TRIQK: variants seen among roughly 807,000 people sequenced by gnomAD.
TRIQK encodes triple QxxK/R motif containing.
Under a neutral mutation model 10.8 loss-of-function variants are expected in TRIQK, and 10 were observed. The ratio of observed to expected loss-of-function variants is 0.92; its 90% CI spans 0.57 to 1.57. The LOEUF (loss-of-function observed/expected upper bound fraction) is 1.57. Ranked by LOEUF, TRIQK falls within the 40% of genes most tolerant of loss-of-function variation. The pLI, the probability that TRIQK is intolerant of heterozygous loss-of-function variation, is 0.00. For synonymous variants in TRIQK, 33 were observed against 33.7 expected (o/e 0.98, Z 0.07); for missense variants, 107 against 97.7 (o/e 1.09, Z -0.40).
In TRIQK at chr8:92,886,344, ATT is replaced by A; in HGVS notation, c.*276_*277del. On this transcript the variant is annotated 3_prime_UTR_variant, in exon 5 of 5. Transcript: ENST00000521988. ...ATAAATTGGCAATGACATTTGAAAAATTTAGGATCTGGTTCCCATTTCATCTA... is the reference window on the plus strand; with the variant it reads ...ATAAATTGGCAATGACATTTGAAAAATAGGATCTGGTTCCCATTTCATCTA... 1 of 200,808 alleles carries A rather than the reference ATT, an allele frequency of 5.0e-6. No individual in the cohort carries two copies. The highest frequency in any genetic ancestry group is 1.1e-4 in the East Asian group (1 of 8,730). The allele number at this position is 200,808 out of a possible 1,614,324, so 12.4% of individuals were successfully genotyped here.
At chr8:92,932,451 A>G (rs1194717561) in intron 2 of TRIQK, among the ~76,000 whole-genome samples, 1 of 152,108 alleles carries the variant, frequency 6.6e-6, no homozygotes, top group Non-Finnish European at 1.5e-5. Context: ...TGACAGTGTT[A>G]ACTTGGATCA....
intron 1 of TRIQK, among the ~76,000 whole-genome samples, chr8:92,993,901 T>C (rs1813123350): frequency 1.3e-5 from 2 of 152,144 alleles, no homozygotes; most frequent in Admixed American, 6.5e-5. Flanking sequence ...GAGTAAGAGA[T>C]ATTGATGATA....
chr8:92,953,436 T>C (rs1425891032), intron 2 of TRIQK: 2 of 151,974 alleles, frequency 1.3e-5, no homozygotes, highest in African/African-American at 2.4e-5. Flanking sequence ...TATAGTTTAA[T>C]AGATAGTGAT....
chr8:93,009,318 A>G (rs1813305755), intron 1 of TRIQK, among the ~76,000 whole-genome samples: 1 of 152,208 alleles, frequency 6.6e-6, no homozygotes, highest in African/African-American at 2.4e-5. Context: ...GTTATCAAAA[A>G]GACAAAAGAG....
intron 3 of TRIQK, among the ~76,000 whole-genome samples, chr8:92,903,171 T>C (rs979744276): frequency 1.3e-5 from 2 of 152,108 alleles, no homozygotes; most frequent in African/African-American, 2.4e-5. Context: ...TTTTAAAAAC[T>C]TTAGTAACCC....
Position 92,883,588 on chromosome 8 carries a change from A to G in TRIQK, c.*3034T>C, listed in dbSNP as rs1816315476. The G allele has an allele frequency of 6.6e-6, 1 of 151,668 alleles. No individual in the cohort carries two copies. The highest frequency in any genetic ancestry group is 2.4e-5 in the African/African-American group (1 of 41,374). The allele number at this position is 151,668 out of a possible 1,614,324, so 9.4% of individuals were successfully genotyped here. A position where few individuals can be genotyped will look rare whatever the true frequency, so the allele number is the denominator to read the frequency against. ...TTAAATTCAAACTTTTTTATCATTTACACAAAGAAACTGTGACAGACTCTG... is the reference window on the plus strand; with the variant it reads ...TTAAATTCAAACTTTTTTATCATTTGCACAAAGAAACTGTGACAGACTCTG... On this transcript the variant is annotated 3_prime_UTR_variant, in exon 5 of 5. Transcript: ENST00000521988.
chr8:92,941,016 T>C (rs1394061870), intron 2 of TRIQK: 1 of 152,118 alleles, frequency 6.6e-6, no homozygotes, highest in Admixed American at 6.5e-5. Flanking sequence ...AACAACATCC[T>C]TCTGAAAAAT....
chr8:92,913,837 G>T (rs1306794848), intron 3 of TRIQK, among the ~76,000 whole-genome samples: 1 of 152,136 alleles, frequency 6.6e-6, no homozygotes, highest in African/African-American at 2.4e-5. Flanking sequence ...GATGAAGCTG[G>T]AAACCATCTT....
rs189279258 is a variant in TRIQK, at chr8:92,942,852, G to A, written c.-22+11554C>T. 2.4e-3 allele frequency among the ~76,000 whole-genome samples: 365 copies of A among 152,066 alleles called. 2 individuals carry two copies. Among genetic ancestry groups the A allele is most frequent in the African/African-American group, 8.2e-3 (342 of 41,502 alleles). Reference sequence around the variant, plus strand: ...TGGGACTAAAGGTGCCTGCCACCACGCCTGGCTAATTTTTTGTATTTTAGT... The same window carrying A: ...TGGGACTAAAGGTGCCTGCCACCACACCTGGCTAATTTTTTGTATTTTAGT... On this transcript the variant is annotated intron_variant, in intron 2 of 4. Coordinates refer to ENST00000521988, the MANE Select transcript of TRIQK (RefSeq NM_001171797.2).
intron 3 of TRIQK, among the ~76,000 whole-genome samples, chr8:92,905,836 C>G (rs962934924): frequency 6.6e-6 from 1 of 152,088 alleles, no homozygotes; most frequent in African/African-American, 2.4e-5. Context: ...TGCCATACCC[C>G]CTTCAGCAAG....
chr8:92,965,797 G>A (rs1237038511), intron 1 of TRIQK: 1 of 152,562 alleles, frequency 6.6e-6, no homozygotes, highest in African/African-American at 2.4e-5. Context: ...GTCCTTCAGT[G>A]ATCACCGTAC....
intron 1 of TRIQK, among the ~76,000 whole-genome samples, chr8:93,008,313 A>T (rs1031801917): frequency 6.6e-6 from 1 of 152,196 alleles, no homozygotes; most frequent in African/African-American, 2.4e-5. Context: ...TTAAAATTTT[A>T]AAAATTGTTG....
chr8:92,903,782 C>A (rs959303829), intron 3 of TRIQK, among the ~76,000 whole-genome samples: 1 of 152,012 alleles, frequency 6.6e-6, no homozygotes, highest in Non-Finnish European at 1.5e-5. Flanking sequence ...ATGAGTATTA[C>A]GTTCAGGGTG....
At chr8:92,895,078 G>T (rs1358518402) in intron 3 of TRIQK, among the ~76,000 whole-genome samples, 2 of 152,172 alleles carry the variant, frequency 1.3e-5, no homozygotes, top group African/African-American at 4.8e-5. Context: ...ATTATTGTGA[G>T]AGTGGGTTAG....
intron 2 of TRIQK, among the ~76,000 whole-genome samples, chr8:92,930,390 CAAAAAAAAAAAAA>C (rs66513185): frequency 6.4e-5 from 3 of 47,140 alleles, no homozygotes; most frequent in African/African-American, 9.2e-5. Context: ...ACTAGGTCTC[CAAAAAAAAAAAAA>C]AAAAAAAAAA....
chr8:92,991,385 T>A (rs1813095274), intron 1 of TRIQK, among the ~76,000 whole-genome samples: 1 of 152,204 alleles, frequency 6.6e-6, no homozygotes, highest in Non-Finnish European at 1.5e-5. Flanking sequence ...GATCTCCCAG[T>A]ACAGTGCTTG....
At chr8:92,900,642 G>C (rs1488438708) in intron 3 of TRIQK, among the ~76,000 whole-genome samples, 1 of 152,084 alleles carries the variant, frequency 6.6e-6, no homozygotes, top group Non-Finnish European at 1.5e-5. Flanking sequence ...GGTTACTACA[G>C]TTCTGCAGTA....
intron 1 of TRIQK, among the ~76,000 whole-genome samples, chr8:93,015,896 T>C (rs1160443318): frequency 2.0e-5 from 3 of 152,060 alleles, no homozygotes; most frequent in African/African-American, 7.2e-5. Context: ...CTAATGAGTG[T>C]TCTCCACAAA....
chr8:93,001,824 A>T (rs1367579193), intron 1 of TRIQK, among the ~76,000 whole-genome samples: 1 of 152,236 alleles, frequency 6.6e-6, no homozygotes, highest in Non-Finnish European at 1.5e-5. Flanking sequence ...CCATAGCTAC[A>T]GAATACACAT....
Sources: allele counts gnomAD v4.1 joint callset (sites outside exome capture counted in the v4.1 genomes callset), GRCh38; gene constraint gnomAD v4.1.1; transcripts MANE v1.5; gene names NCBI Gene and HGNC (gene_info 2026-07-23, HGNC 2026-07-21).